The following LRRTM4 variants were observed in gnomAD, a reference collection of about 807,000 sequenced individuals.
The protein encoded by LRRTM4 is leucine rich repeat transmembrane neuronal 4.
In LRRTM4, 25 loss-of-function variants were observed where a neutral mutation model predicts 47.6. The ratio of observed to expected loss-of-function variants is 0.53; its 90% confidence interval spans 0.38 to 0.73. LRRTM4 has a LOEUF of 0.73. LRRTM4 is among the 30% of genes least tolerant of loss of function. LRRTM4 has a pLI of 0.00. For synonymous variants in LRRTM4, 311 were observed against 269.5 expected (o/e 1.15, Z -1.51); for missense variants, 638 against 713.4 (o/e 0.89, Z 1.20).
chr2:76,866,407 T>A (rs1672469989), intron 3 of LRRTM4, among the ~76,000 whole-genome samples: 1 of 152,214 alleles, frequency 6.6e-6, no homozygotes, highest in African/African-American at 2.4e-5. Flanking sequence ...TTTCTTTCCT[T>A]AGAGCAATTT....
chr2:77,156,547 C>T (rs1273703296), intron 3 of LRRTM4, among the ~76,000 whole-genome samples: 2 of 151,844 alleles, frequency 1.3e-5, no homozygotes, highest in African/African-American at 2.4e-5. Context: ...ATGATATATT[C>T]AGAATGATGC....
chr2:77,015,197 C>A (rs905932659), intron 3 of LRRTM4, among the ~76,000 whole-genome samples: 6 of 152,140 alleles, frequency 3.9e-5, no homozygotes, highest in African/African-American at 1.4e-4. Context: ...ATGGCCTACC[C>A]TAGAGATTTC....
chr2:77,183,989 G>A (rs1484960459), intron 3 of LRRTM4, among the ~76,000 whole-genome samples: 2 of 152,056 alleles, frequency 1.3e-5, no homozygotes, highest in Non-Finnish European at 2.9e-5. Flanking sequence ...GCTAAATGAG[G>A]AGTTAATGGG....
chr2:77,111,918 T>C (rs752647330), intron 3 of LRRTM4, among the ~76,000 whole-genome samples: 1 of 152,086 alleles, frequency 6.6e-6, no homozygotes, highest in East Asian at 1.9e-4. Flanking sequence ...GAAAAAGAAA[T>C]GTGTGCATAG....
Position 77,048,082 on chromosome 2 carries a change from T to C in LRRTM4, c.1552-299166A>G, listed in dbSNP as rs988248302. Reference sequence around the variant, plus strand: ...TCTCATCTTATATTTCTCTGCATTTTTATTTTGCTATGTCATGAAAATAAA... The same window carrying C: ...TCTCATCTTATATTTCTCTGCATTTCTATTTTGCTATGTCATGAAAATAAA... On this transcript the variant is annotated intron_variant, in intron 3 of 3. Transcript: ENST00000409884. 2.6e-5 allele frequency among the ~76,000 whole-genome samples: 4 copies of C among 152,122 alleles called. No individual in the cohort carries two copies. In the South Asian group the frequency reaches 8.3e-4, roughly 32 times the overall value.
chr2:76,886,235 G>C (rs1673072331), intron 3 of LRRTM4, among the ~76,000 whole-genome samples: 1 of 152,096 alleles, frequency 6.6e-6, no homozygotes, highest in Non-Finnish European at 1.5e-5. Context: ...TGAATGCAGT[G>C]TTTTCTTTAA....
chr2:77,286,916 CTG>C (rs1676679500), intron 3 of LRRTM4, among the ~76,000 whole-genome samples: 1 of 152,116 alleles, frequency 6.6e-6, no homozygotes. Context: ...TCCATAGTAT[CTG>C]TTCTCAGAAT....
At chr2:77,009,923 G>A (rs995958732) in intron 3 of LRRTM4, 19 of 151,088 alleles carry the variant, frequency 1.3e-4, no homozygotes, top group African/African-American at 3.9e-4. Context: ...ACAGTGTACC[G>A]ACAGTCTTCC....
chr2:77,357,542 G>T (rs1438283965), intron 3 of LRRTM4, among the ~76,000 whole-genome samples: 1 of 152,098 alleles, frequency 6.6e-6, no homozygotes, highest in East Asian at 1.9e-4. Flanking sequence ...CATGGGTTAT[G>T]CATATAAATA....
intron 3 of LRRTM4, among the ~76,000 whole-genome samples, chr2:76,971,754 T>C (rs577477597): frequency 6.6e-6 from 1 of 152,176 alleles, no homozygotes; most frequent in African/African-American, 2.4e-5. Context: ...GTGATAATTT[T>C]TTTTCAAAGT....
chr2:77,054,440 TA>T (rs1036058607), intron 3 of LRRTM4, among the ~76,000 whole-genome samples: 8 of 151,890 alleles, frequency 5.3e-5, no homozygotes, highest in African/African-American at 1.5e-4. Context: ...TTCTCCACAA[TA>T]AAAAAAAGTA....
chr2:76,894,808 T>C (rs1003285278), intron 3 of LRRTM4, among the ~76,000 whole-genome samples: 1 of 151,860 alleles, frequency 6.6e-6, no homozygotes, highest in Non-Finnish European at 1.5e-5. Flanking sequence ...AATATACAAT[T>C]TCAATAATTA....
intron 3 of LRRTM4, among the ~76,000 whole-genome samples, chr2:77,504,525 C>T (rs1678693975): frequency 1.3e-5 from 2 of 151,514 alleles, no homozygotes; most frequent in African/African-American, 4.8e-5. Context: ...ATGTAATTTC[C>T]TTTAATTTGA....
At chr2:77,428,855 A>G (rs1320307349) in intron 3 of LRRTM4, among the ~76,000 whole-genome samples, 1 of 152,232 alleles carries the variant, frequency 6.6e-6, no homozygotes, top group African/African-American at 2.4e-5. Flanking sequence ...GTCTGAATTC[A>G]TCGGTATGTC....
chr2:76,891,142 G>C (rs1263605480), intron 3 of LRRTM4, among the ~76,000 whole-genome samples: 1 of 151,846 alleles, frequency 6.6e-6, no homozygotes, highest in Non-Finnish European at 1.5e-5. Context: ...AAAGTAAAGA[G>C]AAACGCAAAG....
intron 3 of LRRTM4, among the ~76,000 whole-genome samples, chr2:77,056,045 T>C (rs950750604): frequency 1.0e-4 from 7 of 68,762 alleles, no homozygotes; most frequent in African/African-American, 4.1e-4. Flanking sequence ...TGTTGTGGGG[T>C]GGGGGGAGGG....
At chr2:77,182,505 ACAAACC>A (rs1321728596) in intron 3 of LRRTM4, among the ~76,000 whole-genome samples, 1 of 152,110 alleles carries the variant, frequency 6.6e-6, no homozygotes, top group Non-Finnish European at 1.5e-5. Flanking sequence ...TACCTCTGTA[ACAAACC>A]TGCACATTCT....
intron 3 of LRRTM4, among the ~76,000 whole-genome samples, chr2:76,940,604 A>G (rs115513669): frequency 0.017 from 2,522 of 152,278 alleles, 87 homozygotes; most frequent in African/African-American, 0.057. Flanking sequence ...GTTTACCTAT[A>G]GAACAAACAG....
chr2:77,315,078 G>A (rs1419696915), intron 3 of LRRTM4, among the ~76,000 whole-genome samples: 1 of 152,068 alleles, frequency 6.6e-6, no homozygotes, highest in Admixed American at 6.6e-5. Context: ...AATTACAACA[G>A]GTTTATTAGG....
Sources: allele counts gnomAD v4.1 joint callset (sites outside exome capture counted in the v4.1 genomes callset), GRCh38; gene constraint gnomAD v4.1.1; transcripts MANE v1.5; gene names NCBI Gene and HGNC (gene_info 2026-07-23, HGNC 2026-07-21).